The following LRRC1 variants were observed in gnomAD, a reference collection of about 807,000 sequenced individuals.
LRRC1 encodes the protein leucine-rich repeat-containing protein 1.
A neutral mutation model predicts 69.9 loss-of-function variants in LRRC1; 28 were observed. That is an observed-to-expected ratio of 0.40 (90% CI 0.30 to 0.55). The LOEUF (loss-of-function observed/expected upper bound fraction) is 0.55, where lower values mean the gene tolerates loss of function less well. Among genes scored for constraint, LRRC1 ranks in the 20% least tolerant of loss-of-function variants. The pLI, the probability that LRRC1 is intolerant of heterozygous loss-of-function variation, is 0.47. For synonymous variants in LRRC1, 236 were observed against 240.2 expected, an observed-to-expected ratio of 0.98 and a Z score of 0.16; for missense variants, 498 against 609.0, an observed-to-expected ratio of 0.82 and a Z score of 1.92.
At chr6:53,799,919 C>G (rs554040098) in intron 1 of LRRC1, among the ~76,000 whole-genome samples, 55 of 152,316 alleles carry the variant, frequency 3.6e-4, no homozygotes, top group African/African-American at 1.3e-3. Context: ...CCTATTCTCT[C>G]TCAGTCCCTC....
chr6:53,854,354 G>A (rs542316718), intron 2 of LRRC1, among the ~76,000 whole-genome samples: 29 of 152,238 alleles, frequency 1.9e-4, no homozygotes, highest in African/African-American at 6.7e-4. Flanking sequence ...TTATTTTCTG[G>A]TTTATGTTCT....
chr6:53,820,537 C>G (rs551677908), intron 1 of LRRC1, among the ~76,000 whole-genome samples: 2 of 151,022 alleles, frequency 1.3e-5, no homozygotes, highest in South Asian at 4.2e-4. Flanking sequence ...GTCATGAGCC[C>G]ACTAATTAGC....
Position 53,915,636 on chromosome 6 carries a change from G to T in LRRC1, c.1106+1667G>T, listed in dbSNP as rs199499690. 2.0e-5 allele frequency among the ~76,000 whole-genome samples: 3 copies of T among 152,274 alleles called. No homozygotes were observed. The East Asian group carries it at 5.8e-4, about 29-fold the overall frequency. The stretch of plus-strand genomic sequence containing the variant: ...TGATGCCGAAAAACTGTTTTTACAT[G>T]AATGAAGGCCCATTTCTCCAGTTCT... On this transcript the variant is annotated intron_variant, in intron 11 of 13. Coordinates refer to ENST00000370888, the MANE Select transcript of LRRC1 (RefSeq NM_018214.5).
chr6:53,922,864 G>A lies in LRRC1; in HGVS notation c.*71G>A, dbSNP rs962773758. ...AGACGTTCCTGTCTGCTTCCCGGGA[G>A]CCTCACGTGCTCCTTGTCCTAACCA... On this transcript the variant is annotated 3_prime_UTR_variant, in exon 14 of 14. Coordinates refer to ENST00000370888, the MANE Select transcript of LRRC1 (RefSeq NM_018214.5). The A allele has an allele frequency of 1.6e-5, 24 of 1,475,080 alleles. No homozygotes were observed. The highest frequency in any genetic ancestry group is 2.2e-5 in the Non-Finnish European group (24 of 1,075,604). 91.4% of individuals were successfully genotyped at this position (1,475,080 alleles called of 1,614,324 possible). A position where few individuals can be genotyped will look rare whatever the true frequency, so the allele number is the denominator to read the frequency against.
chr6:53,846,276 A>G (rs564399855), intron 2 of LRRC1, among the ~76,000 whole-genome samples: 1 of 152,294 alleles, frequency 6.6e-6, no homozygotes, highest in Non-Finnish European at 1.5e-5. Context: ...GAGTTTAGGG[A>G]AAAAGAGGGC....
intron 1 of LRRC1, among the ~76,000 whole-genome samples, chr6:53,809,990 G>A (rs1764745932): frequency 6.6e-6 from 1 of 152,232 alleles, no homozygotes; most frequent in African/African-American, 2.4e-5. Context: ...CTGGCCACCA[G>A]CAAGGCTGAC....
At chr6:53,860,562 G>C (rs1240984162) in intron 2 of LRRC1, among the ~76,000 whole-genome samples, 4 of 150,298 alleles carry the variant, frequency 2.7e-5, no homozygotes, top group Admixed American at 6.6e-5. Flanking sequence ...TTGAAAAGAT[G>C]TACTTGTATT....
intron 4 of LRRC1, chr6:53,884,095 C>A: frequency 1.4e-6 from 1 of 694,742 alleles, no homozygotes; most frequent in South Asian, 1.6e-5. Flanking sequence ...GACAGGAAGC[C>A]CTCAATACAC....
Position 53,839,174 on chromosome 6 carries a change from C to T in LRRC1, c.160-2936C>T, listed in dbSNP as rs1581864683. 2.0e-5 allele frequency among the ~76,000 whole-genome samples: 3 copies of T among 151,794 alleles called. No individual in the cohort carries two copies. The East Asian group carries it at 5.8e-4, about 29-fold the overall frequency. On this transcript the variant is annotated intron_variant, in intron 1 of 13. Transcript: ENST00000370888. ...TTTTTTATTTTTACACATAATAGTG[C>T]AAAGATGTATTTGTGCATTATTTTC...
At chr6:53,811,876 G>A (rs1297691470) in intron 1 of LRRC1, among the ~76,000 whole-genome samples, 1 of 152,218 alleles carries the variant, frequency 6.6e-6, no homozygotes, top group Non-Finnish European at 1.5e-5. Flanking sequence ...CTTTGAAATC[G>A]TCATGCAGTG....
At chr6:53,905,862 C>T (rs893928602) in intron 10 of LRRC1, among the ~76,000 whole-genome samples, 1 of 152,178 alleles carries the variant, frequency 6.6e-6, no homozygotes, top group Non-Finnish European at 1.5e-5. Context: ...TGTAAGACTT[C>T]AGTCTGTTTC....
chr6:53,847,644 T>A (rs1765989910), intron 2 of LRRC1, among the ~76,000 whole-genome samples: 1 of 152,228 alleles, frequency 6.6e-6, no homozygotes, highest in Admixed American at 6.5e-5. Context: ...ATCTAAAGCC[T>A]CTTCTAGAGG....
intron 1 of LRRC1, among the ~76,000 whole-genome samples, chr6:53,834,501 G>GTTTA (rs1765553316): frequency 6.6e-6 from 1 of 152,044 alleles, no homozygotes; most frequent in Non-Finnish European, 1.5e-5. Context: ...AGTGTTTTTT[G>GTTTA]TTTAGCAGGT....
chr6:53,817,647 C>T (rs1220427339), intron 1 of LRRC1, among the ~76,000 whole-genome samples: 1 of 152,170 alleles, frequency 6.6e-6, no homozygotes, highest in Admixed American at 6.5e-5. Context: ...TACCTCCAGC[C>T]TCTAGTAACC....
intron 2 of LRRC1, among the ~76,000 whole-genome samples, chr6:53,873,877 G>T (rs973033495): frequency 2.0e-5 from 3 of 152,144 alleles, no homozygotes; most frequent in African/African-American, 7.2e-5. Flanking sequence ...TTCATTGTGG[G>T]TTTGTCATAA....
chr6:53,882,763 A>G, intron 3 of LRRC1, 124 bp from the exon 4 acceptor site: 2 of 599,418 alleles, frequency 3.3e-6, no homozygotes, highest in Non-Finnish European at 5.6e-6. Context: ...CATGCCATAT[A>G]TAATGTCATT....
intron 1 of LRRC1, among the ~76,000 whole-genome samples, chr6:53,809,348 T>C (rs146107151): frequency 6.0e-4 from 91 of 152,334 alleles, no homozygotes; most frequent in Middle Eastern, 3.4e-3. Flanking sequence ...TTATAACATA[T>C]TACACTTATT....
intron 1 of LRRC1, among the ~76,000 whole-genome samples, chr6:53,803,442 C>A (rs565599819): frequency 6.6e-6 from 1 of 152,188 alleles, no homozygotes; most frequent in African/African-American, 2.4e-5. Context: ...GGTGATGAGA[C>A]CATGGGCCAG....
At chr6:53,917,386 G>A (rs1768600472) in intron 11 of LRRC1, among the ~76,000 whole-genome samples, 1 of 152,196 alleles carries the variant, frequency 6.6e-6, no homozygotes, top group South Asian at 2.1e-4. Context: ...ATTCTTTGAA[G>A]CAAAACTGGT....
Sources: allele counts gnomAD v4.1 joint callset (sites outside exome capture counted in the v4.1 genomes callset), GRCh38; gene constraint gnomAD v4.1.1; transcripts MANE v1.5; gene names NCBI Gene and HGNC (gene_info 2026-07-23, HGNC 2026-07-21).